The following RFX1 variants were observed in gnomAD, a reference collection of about 807,000 sequenced individuals.
The protein encoded by RFX1 is MHC class II regulatory factor RFX1.
RFX1 carries 42 observed loss-of-function variants against 119.6 expected under a neutral mutation model. That is an observed-to-expected ratio of 0.35 (90% CI 0.27 to 0.45). The LOEUF is 0.45. Among genes scored for constraint, RFX1 ranks in the 20% least tolerant of loss-of-function variants. RFX1 has a pLI of 1.00. For synonymous variants in RFX1, 628 were observed against 618.5 expected (o/e 1.02, Z -0.23); for missense variants, 1,118 against 1,368.1 (o/e 0.82, Z 2.88).
At chr19:13,979,676 A>C in intron 6 of RFX1, 134 bp from the exon 7 acceptor site, 1 of 503,560 alleles carries the variant, frequency 2.0e-6, no homozygotes, top group Non-Finnish European at 3.4e-6. Flanking sequence ...CCAGCCAAGC[A>C]AGGAGGGTGC....
chr19:13,963,808 C>A (rs1168359587), intron 17 of RFX1, 50 bp downstream of exon 17: 1 of 1,494,216 alleles, frequency 6.7e-7, no homozygotes, highest in South Asian at 1.3e-5. Flanking sequence ...GCCTGGCCCG[C>A]CCCGTTAGGC....
Position 13,965,386 on chromosome 19 carries a change from G to A in RFX1, c.2211+63C>T. 6.9e-7 allele frequency: 1 copy of A among 1,446,030 alleles called. No homozygotes were observed. Among genetic ancestry groups the A allele is most frequent in the Non-Finnish European group, 9.7e-7 (1 of 1,034,854 alleles). 89.6% of individuals were successfully genotyped at this position (1,446,030 alleles called of 1,614,324 possible). On this transcript the variant is annotated intron_variant, in intron 16 of 20. Transcript: ENST00000254325. The surrounding 1 kb of genome is among the most constrained non-coding windows in gnomAD (Gnocchi z 4.7). ...GGGGACAAATTTTACCGCCCCTGGG[G>A]AGCAGAGGAGACGGAGGCCTAAGCC... is the stretch of plus-strand genomic sequence containing the variant.
rs774349669 is a variant in RFX1, at chr19:13,963,206, C to T, written c.2640G>A (p.Leu880=). Reference sequence around the variant, plus strand: ...GGTAGTACATGTACTCGTCGTAGAGCAGCCGGATGAGGTGGAAGGAACCGA... The same window carrying T: ...GGTAGTACATGTACTCGTCGTAGAGTAGCCGGATGAGGTGGAAGGAACCGA... ...ASFGSFHLIR[L]LYDEYMYYLI... The change falls in exon 19 of 21, where the codon CTG becomes CTA. Residue 880 remains leucine, a synonymous_variant. Coordinates refer to ENST00000254325, the MANE Select transcript of RFX1 (RefSeq NM_002918.5). 1.1e-5 allele frequency: 18 copies of T among 1,612,720 alleles called. No individual in the cohort carries two copies. Among genetic ancestry groups the T allele is most frequent in the Non-Finnish European group, 1.4e-5 (17 of 1,179,488 alleles).
In RFX1 at chr19:13,982,281, T is replaced by C. The variant is rs75384650; in HGVS notation, c.514-53A>G. ...AGATCACTGATGACAGCCCGTGCAG[T>C]TGCACCGAGCATCTGCGCAGTGCCA... On this transcript the variant is annotated intron_variant, in intron 4 of 20. Coordinates refer to ENST00000254325, the MANE Select transcript of RFX1 (RefSeq NM_002918.5). 5,067 of 1,042,284 alleles carry C rather than the reference T, an allele frequency of 4.9e-3. 182 individuals are homozygous for C. The African/African-American group carries it at 0.074, about 15-fold the overall frequency. The allele number at this position is 1,042,284 out of a possible 1,614,324, so 64.6% of individuals were successfully genotyped here.
rs773855232 is a variant in RFX1 at position 13,970,140 on chromosome 19, C to T, written c.1350G>A (p.Glu450=). The change falls in exon 10 of 21, where the codon GAG becomes GAA. Residue 450 remains glutamate, a synonymous_variant. Coordinates refer to ENST00000254325, the MANE Select transcript of RFX1 (RefSeq NM_002918.5). ...GGGTGCTCCGTGGCAGACTCACGCC[C>T]TCAGCCGTCTCATAGTTGTCCAGGA... ...QWLLDNYETA[E]GVSLPRSTLY... 6.2e-7 allele frequency: 1 copy of T among 1,613,060 alleles called. No homozygotes were observed. Among genetic ancestry groups the T allele is most frequent in the Non-Finnish European group, 8.5e-7 (1 of 1,179,474 alleles).
At chr19:13,997,497 G>A (rs1225863355) in intron 1 of RFX1, among the ~76,000 whole-genome samples, 1 of 152,238 alleles carries the variant, frequency 6.6e-6, no homozygotes, top group African/African-American at 2.4e-5. Context: ...CGCAGGAAAT[G>A]GCTCTGGCTC....
rs1377505554 is a variant in RFX1, at chr19:13,972,713, C to A, written c.1314+30G>T. On this transcript the variant is annotated intron_variant, in intron 9 of 20. Transcript: ENST00000254325. ...GTGCCCACCACCCACCACTGCCTGC[C>A]TCCTCTGGGGCCCGCGTTGGGGCAC... is the stretch of plus-strand genomic sequence containing the variant. 3.9e-6 allele frequency: 6 copies of A among 1,545,564 alleles called. No individual in the cohort carries two copies. In the African/African-American group the frequency reaches 5.4e-5, roughly 14 times the overall value.
Position 13,962,356 on chromosome 19 carries a change from G to A in RFX1, c.*339C>T, listed in dbSNP as rs1453635753. The A allele has an allele frequency of 2.8e-6, 1 of 359,316 alleles. No individual in the cohort carries two copies. Among genetic ancestry groups the A allele is most frequent in the South Asian group, 3.9e-5 (1 of 25,574 alleles). The allele number at this position is 359,316 out of a possible 1,614,324, so 22.3% of individuals were successfully genotyped here. On this transcript the variant is annotated 3_prime_UTR_variant, in exon 21 of 21. Transcript: ENST00000254325. ...GTTTCGCACGGGAGGGGGCCTGCCT[G>A]CCTGCCCCCTGGGGTGGTGGGAGGA...
intron 17 of RFX1, 30 bp downstream of exon 17, chr19:13,963,828 T>A (rs769106676): frequency 8.8e-6 from 13 of 1,470,966 alleles, no homozygotes; most frequent in Non-Finnish European, 1.2e-5. Flanking sequence ...CTGCCCCTCA[T>A]TCGCCCGCCC....
chr19:13,972,937 C>G lies in RFX1; in HGVS notation c.1120G>C (p.Ala374Pro). ...QVVASSTSTG[A>P]GASNSSGGGG... ...CCTCCGCTGCTGTTGCTGGCCCCAGCCCCAGTGCTGGTGGAGCTGGCGACG... is the reference window on the plus strand; with the variant it reads ...CCTCCGCTGCTGTTGCTGGCCCCAGGCCCAGTGCTGGTGGAGCTGGCGACG... The change falls in exon 9 of 21, where the codon GCT (alanine) becomes CCT (proline). Residue 374 changes from alanine to proline, a missense_variant. This residue lies in a region of RFX1 where 542 missense variants were observed against 602.7 expected (regional missense o/e 0.90). Transcript: ENST00000254325. The G allele has an allele frequency of 6.3e-7, 1 of 1,599,112 alleles. No homozygotes were observed. The highest frequency in any genetic ancestry group is 8.5e-7 in the Non-Finnish European group (1 of 1,179,278).
rs1234089120 is a variant in RFX1, at chr19:13,986,985, C to T, written c.320-3390G>A. On this transcript the variant is annotated intron_variant, in intron 2 of 20. Coordinates refer to ENST00000254325, the MANE Select transcript of RFX1 (RefSeq NM_002918.5). This position sits in a 1 kb window ranked among gnomAD's most constrained non-coding sequence, Gnocchi z 4.2. ...AGGGGCCCCTGCTGCCCCCAGTGTC[C>T]TCTATCCCTTGTCTGCTCCAACCTC... is the stretch of plus-strand genomic sequence containing the variant. 6.6e-6 allele frequency among the ~76,000 whole-genome samples: 1 copy of T among 152,202 alleles called. No homozygotes were observed. Among genetic ancestry groups the T allele is most frequent in the Non-Finnish European group, 1.5e-5 (1 of 68,030 alleles).
At chr19:13,974,295 T>C (rs772957659) in intron 8 of RFX1, among the ~76,000 whole-genome samples, 2 of 152,168 alleles carry the variant, frequency 1.3e-5, no homozygotes, top group East Asian at 3.8e-4. Context: ...AATGCAGATA[T>C]GTTTCCCCTG....
chr19:13,966,780 C>T lies in RFX1; in HGVS notation c.1733-29G>A. On this transcript the variant is annotated intron_variant, in intron 12 of 20. Coordinates refer to ENST00000254325, the MANE Select transcript of RFX1 (RefSeq NM_002918.5). The surrounding 1 kb of genome is among the most constrained non-coding windows in gnomAD (Gnocchi z 6.3). ...GGGGGCCGGGGGGAACCGTGAGGCC[C>T]TTCATCCCCCTTGCCTGCCCACCCT... The T allele has an allele frequency of 6.8e-7, 1 of 1,480,322 alleles. No homozygotes were observed. Among genetic ancestry groups the T allele is most frequent in the South Asian group, 1.2e-5 (1 of 85,318 alleles). The allele number at this position is 1,480,322 out of a possible 1,614,324, so 91.7% of individuals were successfully genotyped here.
chr19:13,963,725 G>T lies in RFX1; in HGVS notation c.2383C>A (p.Arg795Ser), dbSNP rs1274646373. 9.4e-6 allele frequency: 15 copies of T among 1,598,712 alleles called. No individual in the cohort carries two copies. Among genetic ancestry groups the T allele is most frequent in the Non-Finnish European group, 1.2e-5 (14 of 1,174,740 alleles). ...CGCTGCACCACGCGGTCCTCGCAGC[G>T]GCACACCCACGAGGCCTGCTCCTGG... is the stretch of plus-strand genomic sequence containing the variant. Reference protein sequence around the residue: ...NVQEQASWVCRCEDRVVQRLE... With the variant: ...NVQEQASWVCSCEDRVVQRLE... The change falls in exon 18 of 21, where the codon CGC becomes AGC. Residue 795 changes from arginine (R) to serine (S), a missense_variant. Arg to Ser is a moderately radical substitution (Grantham distance 110). Around this residue, in one of 5 missense-constraint regions of RFX1, gnomAD observed 68 missense variants for 67.2 expected, o/e 1.01. Transcript: ENST00000254325.
At chr19:13,982,426 C>T (rs1568470968) in intron 4 of RFX1, among the ~76,000 whole-genome samples, 198 bp from the exon 5 acceptor site, 1 of 152,304 alleles carries the variant, frequency 6.6e-6, no homozygotes, top group East Asian at 1.9e-4. Context: ...ACGGCAAAGG[C>T]ACTTATCTGA....
intron 1 of RFX1, among the ~76,000 whole-genome samples, chr19:14,005,640 G>GAGTC (rs1212312990): frequency 5.3e-5 from 8 of 152,330 alleles, no homozygotes; most frequent in Admixed American, 5.2e-4. Context: ...AGGAAGAAGG[G>GAGTC]AGTCGCTTAA....
chr19:13,988,925 G>A (rs1283458201), intron 2 of RFX1, among the ~76,000 whole-genome samples: 1 of 152,170 alleles, frequency 6.6e-6, no homozygotes, highest in Non-Finnish European at 1.5e-5. Flanking sequence ...GGGAGGCTGA[G>A]GCAGGAGAAT....
chr19:14,006,781 C>T (rs1391446455), upstream of RFX1: 1 of 152,292 alleles, frequency 6.6e-6, no homozygotes, highest in East Asian at 1.9e-4. Flanking sequence ...GAAGACTCCG[C>T]TCCAGACTTC....
At chr19:14,000,352 G>A (rs2145640678) in intron 1 of RFX1, among the ~76,000 whole-genome samples, 1 of 152,214 alleles carries the variant, frequency 6.6e-6, no homozygotes, top group East Asian at 1.9e-4. Context: ...TGGGTGTGGT[G>A]GTGTGTGGCT....
Sources: allele counts gnomAD v4.1 joint callset (sites outside exome capture counted in the v4.1 genomes callset), GRCh38; gene constraint gnomAD v4.1.1; regional missense constraint gnomAD v4.1.1; non-coding constraint Gnocchi (gnomAD v3.1); transcripts MANE v1.5; gene names NCBI Gene and HGNC (gene_info 2026-07-23, HGNC 2026-07-21).